The following ATM variants were observed in gnomAD, a reference collection of about 807,000 sequenced individuals.
ATM encodes the protein serine-protein kinase ATM.
ATM carries 308 observed loss-of-function variants against 387.0 expected under a neutral mutation model. The observed-to-expected ratio is 0.80, with a 90% CI of 0.73 to 0.87. The LOEUF (loss-of-function observed/expected upper bound fraction) is 0.87. ATM is among the 40% of genes least tolerant of loss of function. The pLI, the probability that ATM is intolerant of heterozygous loss-of-function variation, is 0.00. For synonymous variants in ATM, 1,156 were observed against 1,187.3 expected, an observed-to-expected ratio of 0.97 and a Z score of 0.54; for missense variants, 3,312 against 3,560.9, an observed-to-expected ratio of 0.93 and a Z score of 1.78.
chr11:108,362,550 A>C (rs1328770850), intron 61 of ATM, among the ~76,000 whole-genome samples: 1 of 149,716 alleles, frequency 6.7e-6, no homozygotes, highest in East Asian at 2.0e-4. Context: ...GAACCAACCC[A>C]AATGTCCAAC....
chr11:108,229,593 C>CCTG, intron 4 of ATM: 2 of 339,216 alleles, frequency 5.9e-6, no homozygotes, highest in South Asian at 4.8e-5. Flanking sequence ...CACCACTGCA[C>CCTG]TCAGGCCAGC....
intron 61 of ATM, among the ~76,000 whole-genome samples, chr11:108,363,134 G>C (rs1479166466): frequency 6.6e-6 from 1 of 152,180 alleles, no homozygotes; most frequent in Non-Finnish European, 1.5e-5. Flanking sequence ...TCTTACCACA[G>C]TAAGACCCTT....
At chr11:108,295,545 T>C (rs1471229766) in intron 32 of ATM, 6 of 160,768 alleles carry the variant, frequency 3.7e-5, no homozygotes, top group Admixed American at 3.1e-4. Flanking sequence ...CTATGTTGCC[T>C]AGGTTGGTCT....
chr11:108,329,254 C>T lies in ATM; in HGVS notation c.7307+16C>T. The T allele has an allele frequency of 6.3e-7, 1 of 1,595,176 alleles. No homozygotes were observed. The highest frequency in any genetic ancestry group is 1.1e-5 in the South Asian group (1 of 90,144). On this transcript the variant is annotated intron_variant, in intron 49 of 62. Transcript: ENST00000675843. Reference sequence around the variant, plus strand: ...AGACAAACAGGTAACTAGGTTTCTACAAGTGACAATTTTATGTTCACCAGT... The same window carrying T: ...AGACAAACAGGTAACTAGGTTTCTATAAGTGACAATTTTATGTTCACCAGT...
intron 4 of ATM, among the ~76,000 whole-genome samples, chr11:108,234,562 C>T (rs969292532): frequency 2.6e-5 from 4 of 152,124 alleles, no homozygotes; most frequent in Non-Finnish European, 5.9e-5. Context: ...AGGGGTCAAG[C>T]ACAGTGGCTC....
chr11:108,280,074 T>A (rs530198341), intron 23 of ATM, among the ~76,000 whole-genome samples: 57 of 152,188 alleles, frequency 3.7e-4, no homozygotes, highest in Non-Finnish European at 7.4e-4. Context: ...AGTTCAAATT[T>A]TTTCATTTAT....
At chr11:108,226,794 C>A (rs1350407714) in intron 1 of ATM, 1 of 152,070 alleles carries the variant, frequency 6.6e-6, no homozygotes, top group Non-Finnish European at 1.5e-5. Context: ...GCAACCTCTG[C>A]CTCCTGGGTT....
At position 108,328,479 on chromosome 11, in the gene ATM, C is replaced by A. The variant is rs556163060; in HGVS notation, c.7090-542C>A. ...CAGTCTGGTCTCGAACTCCTGACCT[C>A]AAGTGATCCACCTGCCTCGGCCTCC... is the stretch of plus-strand genomic sequence containing the variant. On this transcript the variant is annotated intron_variant, in intron 48 of 62. Transcript: ENST00000675843. 7.2e-5 allele frequency among the ~76,000 whole-genome samples: 11 copies of A among 152,264 alleles called. No homozygotes were observed. The South Asian group carries it at 1.9e-3, about 26-fold the overall frequency.
chr11:108,226,432 G>A (rs1330310505), intron 1 of ATM: 3 of 152,200 alleles, frequency 2.0e-5, no homozygotes, highest in African/African-American at 7.2e-5. Flanking sequence ...CAAAAGAAGA[G>A]AGCTACTCAG....
intron 50 of ATM, among the ~76,000 whole-genome samples, chr11:108,330,929 A>G (rs1258744877): frequency 6.6e-6 from 1 of 152,228 alleles, no homozygotes; most frequent in Non-Finnish European, 1.5e-5. Context: ...TAGTGATGAC[A>G]CCTAATATTA....
chr11:108,266,754 C>T (rs981431103), intron 16 of ATM, among the ~76,000 whole-genome samples: 2 of 150,572 alleles, frequency 1.3e-5, no homozygotes, highest in African/African-American at 4.9e-5. Context: ...AGTTTTCATA[C>T]TTACACATGA....
intron 61 of ATM, among the ~76,000 whole-genome samples, chr11:108,364,415 G>T (rs775045077): frequency 6.6e-6 from 1 of 151,986 alleles, no homozygotes; most frequent in South Asian, 2.1e-4. Context: ...TAAAATTTAC[G>T]ACCTAAAGCT....
Position 108,272,203 on chromosome 11 carries a change from CCAAA to C in ATM, c.3078-324_3078-321del, listed in dbSNP as rs2081619236. ...ATGTGGTTTTGAAATCTTCAATATACCAAACAAAGAAATCTTCAATATACCAAAC... is the reference window on the plus strand; with the variant it reads ...ATGTGGTTTTGAAATCTTCAATATACCAAAGAAATCTTCAATATACCAAAC... On this transcript the variant is annotated intron_variant, in intron 20 of 62. Transcript: ENST00000675843. 1.3e-4 allele frequency among the ~76,000 whole-genome samples: 20 copies of C among 152,194 alleles called. No individual in the cohort carries two copies. The Middle Eastern group carries it at 0.014, about 104-fold the overall frequency.
intron 12 of ATM, among the ~76,000 whole-genome samples, chr11:108,253,290 A>G (rs2080255253): frequency 6.6e-6 from 1 of 152,184 alleles, no homozygotes; most frequent in African/African-American, 2.4e-5. Context: ...TGATAATTGA[A>G]AACAAAAATA....
intron 43 of ATM, among the ~76,000 whole-genome samples, chr11:108,318,478 T>C (rs1051917251): frequency 2.0e-5 from 3 of 152,058 alleles, no homozygotes; most frequent in African/African-American, 7.2e-5. Context: ...TCACTTGAGA[T>C]CAGGAGTTTG....
intron 28 of ATM, 148 bp from the exon 29 acceptor site, chr11:108,289,454 A>G: frequency 2.8e-6 from 2 of 704,534 alleles, no homozygotes; most frequent in Non-Finnish European, 2.2e-6. Flanking sequence ...TGTACTTGAT[A>G]TCAAACCCAA....
rs776602821 is a variant in ATM at position 108,292,812 on chromosome 11, T to C, written c.4611+19T>C. On this transcript the variant is annotated intron_variant, in intron 30 of 62. Transcript: ENST00000675843. ...GAAACAGGTAATTTTCTGACTCATC[T>C]TCAAAATGGTATTTAAAATATATAA... 4.0e-5 allele frequency: 65 copies of C among 1,611,138 alleles called. No homozygotes were observed. The highest frequency in any genetic ancestry group is 5.2e-5 in the Non-Finnish European group (61 of 1,177,546).
At chr11:108,341,276 T>C (rs1445449487) in intron 56 of ATM, among the ~76,000 whole-genome samples, 1 of 152,140 alleles carries the variant, frequency 6.6e-6, no homozygotes, top group Non-Finnish European at 1.5e-5. Context: ...AGTCACTCCC[T>C]TACTTCATTC....
At chr11:108,299,682 T>C (rs2135887054) in intron 33 of ATM, 32 bp from the exon 34 acceptor site, 2 of 1,604,708 alleles carry the variant, frequency 1.2e-6, no homozygotes, top group Non-Finnish European at 1.7e-6. Flanking sequence ...CTCTTACCTA[T>C]GACTCTACTG....
Sources: allele counts gnomAD v4.1 joint callset (sites outside exome capture counted in the v4.1 genomes callset), GRCh38; gene constraint gnomAD v4.1.1; transcripts MANE v1.5; gene names NCBI Gene and HGNC (gene_info 2026-07-23, HGNC 2026-07-21).